Variants in CSF2RB observed in about 807,000 individuals in gnomAD.
CSF2RB encodes cytokine receptor common subunit beta.
Under a neutral mutation model 67.2 loss-of-function variants are expected in CSF2RB, and 22 were observed. That is an observed-to-expected ratio of 0.33 (90% confidence interval 0.23 to 0.47). The LOEUF is 0.47. CSF2RB is among the 20% of genes least tolerant of loss of function. CSF2RB has a pLI of 1.00. For synonymous variants in CSF2RB, 507 were observed against 482.9 expected (o/e 1.05, Z -0.65); for missense variants, 1,113 against 1,174.5 (o/e 0.95, Z 0.76).
chr22:36,930,479 G>A lies in CSF2RB; in HGVS notation c.823G>A (p.Gly275Ser), dbSNP rs1251466585. The A allele has an allele frequency of 6.2e-7, 1 of 1,613,660 alleles. No homozygotes were observed. Among genetic ancestry groups the A allele is most frequent in the Admixed American group, 1.7e-5 (1 of 60,016 alleles). ...RKEVASSVSF[G>S]LFYKPSPDAG... ...GGAGGTGGCCAGCTCGGTCTCCTTT[G>A]GCCTATTCTACAAGCCCAGCCCAGA... is the stretch of plus-strand genomic sequence containing the variant. Residue 275 changes from glycine to serine, a missense_variant, in exon 7 of 14, where the codon GGC becomes AGC. Transcript: ENST00000403662.
At chr22:36,936,202 G>T (rs1306773683) in intron 12 of CSF2RB, among the ~76,000 whole-genome samples, 2 of 152,162 alleles carry the variant, frequency 1.3e-5, no homozygotes, top group Non-Finnish European at 2.9e-5. Flanking sequence ...CAGCGTGTGG[G>T]TGATGGGAGC....
Position 36,922,151 on chromosome 22 carries a change from G to A in CSF2RB, c.-57G>A. 1 of 1,483,382 alleles carries A rather than the reference G, an allele frequency of 6.7e-7. No homozygotes were observed. The highest frequency in any genetic ancestry group is 1.2e-5 in the South Asian group (1 of 82,722). The allele number at this position is 1,483,382 out of a possible 1,614,324, so 91.9% of individuals were successfully genotyped here. ...TTCAGGACACTAAGGACCCTGTCAT[G>A]CCCATGGCCAGCACCCACCAGTGCT... On this transcript the variant is annotated 5_prime_UTR_variant, in exon 2 of 14. An upstream start codon of the reference 5' UTR is lost. Transcript: ENST00000403662.
intron 1 of CSF2RB, among the ~76,000 whole-genome samples, chr22:36,917,106 G>C (rs1940737381): frequency 6.6e-6 from 1 of 152,002 alleles, no homozygotes; most frequent in African/African-American, 2.4e-5. Flanking sequence ...CATTTGCCAG[G>C]GTTTGTTTGT....
intron 1 of CSF2RB, among the ~76,000 whole-genome samples, chr22:36,916,191 A>C (rs182306462): frequency 7.2e-5 from 11 of 152,296 alleles, no homozygotes; most frequent in Admixed American, 6.5e-4. Context: ...GGTGTCTTGT[A>C]AACCTCTTTT....
rs531744714 is a variant in CSF2RB, at chr22:36,938,200, G to A, written c.2392G>A (p.Glu798Lys). The A allele has an allele frequency of 9.9e-6, 16 of 1,614,152 alleles. No individual in the cohort carries two copies. The South Asian group carries it at 1.1e-4, about 11-fold the overall frequency. The part of the protein sequence containing the change: ...EAKSPVLNPG[E>K]RPADVSPTSP... The stretch of plus-strand genomic sequence containing the variant: ...CAAAAGCCCTGTCCTGAACCCAGGG[G>A]AACGCCCGGCAGATGTGTCCCCAAC... Residue 798 changes from glutamate to lysine, a missense_variant, in exon 14 of 14, where the codon GAA becomes AAA. By Grantham distance (56) the Glu-to-Lys change is moderately conservative. Transcript: ENST00000403662.
chr22:36,928,432 G>A (rs931337391), intron 4 of CSF2RB, among the ~76,000 whole-genome samples: 2 of 152,166 alleles, frequency 1.3e-5, no homozygotes, highest in African/African-American at 4.8e-5. Context: ...GTGAGGAGGG[G>A]CGGTTCCCCT....
chr22:36,932,754 C>T lies in CSF2RB; in HGVS notation c.1013-11C>T. On this transcript the variant is annotated splice_polypyrimidine_tract_variant and intron_variant, in intron 8 of 13. Transcript: ENST00000403662. ...GTATGATGACTCTCCTGAAAGCTTCCCTCCCTCCAGTCCAGATGGCCCCTC... is the reference window on the plus strand; with the variant it reads ...GTATGATGACTCTCCTGAAAGCTTCTCTCCCTCCAGTCCAGATGGCCCCTC... The T allele has an allele frequency of 6.2e-7, 1 of 1,612,830 alleles. No individual in the cohort carries two copies. Among genetic ancestry groups the T allele is most frequent in the South Asian group, 1.1e-5 (1 of 90,822 alleles).
chr22:36,916,997 G>A (rs1176721264), intron 1 of CSF2RB, among the ~76,000 whole-genome samples: 1 of 152,206 alleles, frequency 6.6e-6, no homozygotes, highest in African/African-American at 2.4e-5. Flanking sequence ...CCTCCTGTGT[G>A]AGGCTTTGAC....
intron 12 of CSF2RB, 43 bp from the exon 13 acceptor site, chr22:36,936,506 G>C (rs1229747754): frequency 6.3e-7 from 1 of 1,591,786 alleles, no homozygotes; most frequent in Non-Finnish European, 8.6e-7. Flanking sequence ...CCCCACCTCG[G>C]ACCTCCTGAT....
intron 13 of CSF2RB, 80 bp downstream of exon 13, chr22:36,936,732 G>A: frequency 7.8e-7 from 1 of 1,278,418 alleles, no homozygotes; most frequent in South Asian, 1.3e-5. Flanking sequence ...AGGGACTCAA[G>A]TGAGGCTGCC....
chr22:36,924,023 T>C (rs983956373), intron 3 of CSF2RB, among the ~76,000 whole-genome samples: 2 of 152,044 alleles, frequency 1.3e-5, no homozygotes, highest in African/African-American at 4.8e-5. Flanking sequence ...CAGCCATAAA[T>C]TAAGTAATTA....
At position 36,937,982 on chromosome 22, in the gene CSF2RB, C is replaced by T; in HGVS notation, c.2174C>T (p.Ala725Val). 7 of 1,614,156 alleles carry T rather than the reference C, an allele frequency of 4.3e-6. No homozygotes were observed. Among genetic ancestry groups the T allele is most frequent in the Non-Finnish European group, 5.1e-6 (6 of 1,180,010 alleles). ...ADLVFTPNSG[A>V]SSVSLVPSLG... ...CTGGTATTCACCCCAAACTCAGGGG[C>T]CTCGTCTGTCTCCCTAGTTCCCTCT... The change falls in exon 14 of 14, where the codon GCC becomes GTC. Residue 725 changes from alanine (A) to valine (V), a missense_variant. Ala to Val is a moderately conservative substitution (Grantham distance 64). Coordinates refer to ENST00000403662, the MANE Select transcript of CSF2RB (RefSeq NM_000395.3). This position sits in a 1 kb window ranked among gnomAD's most constrained non-coding sequence, Gnocchi z 4.6.
Position 36,923,260 on chromosome 22 carries a change from G to A in CSF2RB, c.93G>A (p.Gln31=). Residue 31 remains glutamine (Q), a synonymous_variant, in exon 3 of 14, where the codon CAG becomes CAA. Transcript: ENST00000403662. ...TCTTGTCAGAAACCATCCCGCTGCA[G>A]ACCCTGCGCTGCTACAACGACTACA... is the stretch of plus-strand genomic sequence containing the variant. ...LAGAEETIPL[Q]TLRCYNDYTS... 1 of 1,614,182 alleles carries A rather than the reference G, an allele frequency of 6.2e-7. No individual in the cohort carries two copies. The highest frequency in any genetic ancestry group is 1.1e-5 in the South Asian group (1 of 91,076).
intron 3 of CSF2RB, among the ~76,000 whole-genome samples, chr22:36,924,694 C>G (rs547061894): frequency 6.6e-6 from 1 of 152,308 alleles, no homozygotes; most frequent in Non-Finnish European, 1.5e-5. Flanking sequence ...GGAGCAGGAT[C>G]TCATGGTTGG....
intron 2 of CSF2RB, among the ~76,000 whole-genome samples, chr22:36,922,888 AGT>A (rs552590832): frequency 3.7e-4 from 56 of 151,630 alleles, no homozygotes; most frequent in African/African-American, 1.3e-3. Context: ...CCCAGGGCTG[AGT>A]GTGTGCCCCC....
intron 5 of CSF2RB, 32 bp from the exon 6 acceptor site, chr22:36,929,607 C>G: frequency 1.9e-6 from 3 of 1,614,212 alleles, no homozygotes; most frequent in Non-Finnish European, 2.5e-6. Flanking sequence ...ATGGGCAGCA[C>G]CCCTCCTCCA....
At chr22:36,922,315 T>C (rs1241538552) in intron 2 of CSF2RB, 32 bp downstream of exon 2, 1 of 1,552,880 alleles carries the variant, frequency 6.4e-7, no homozygotes, top group Non-Finnish European at 8.7e-7. Flanking sequence ...CACTTCCCTG[T>C]CCCTGTCCTC....
chr22:36,930,823 A>G lies in CSF2RB; in HGVS notation c.1005A>G (p.Ser335=), dbSNP rs780151719. The part of the protein sequence containing the change: ...PRRAEKHIKS[S]VNIQMAPPSL... ...GGGCAGAGAAACACATAAAGAGCTC[A>G]GTGAACAGTGAGTTTGCTCCTAGCC... The change falls in exon 8 of 14, where the codon TCA becomes TCG. Residue 335 remains serine, a synonymous_variant. Coordinates refer to ENST00000403662, the MANE Select transcript of CSF2RB (RefSeq NM_000395.3). 6.2e-7 allele frequency: 1 copy of G among 1,614,200 alleles called. No homozygotes were observed. Among genetic ancestry groups the G allele is most frequent in the South Asian group, 1.1e-5 (1 of 91,086 alleles).
rs1326522722 is a variant in CSF2RB at position 36,937,710 on chromosome 22, GGGGCA to G, written c.1905_1909del (p.Gln636AlafsTer66). On this transcript the variant is annotated frameshift_variant, in exon 14 of 14. Coordinates refer to ENST00000403662, the MANE Select transcript of CSF2RB (RefSeq NM_000395.3). LOFTEE classifies it low-confidence loss of function (END_TRUNC). This position sits in a 1 kb window ranked among gnomAD's most constrained non-coding sequence, Gnocchi z 4.6. ...TGGAGTACCTGTGTCTGCCTGCTGGGGGGCAGGTGCAACTGGTCCCTCTGGCCCAG... is the reference window on the plus strand; with the variant it reads ...TGGAGTACCTGTGTCTGCCTGCTGGGGGTGCAACTGGTCCCTCTGGCCCAG... 6.4e-7 allele frequency: 1 copy of G among 1,556,080 alleles called. No homozygotes were observed. The highest frequency in any genetic ancestry group is 1.4e-5 in the African/African-American group (1 of 73,348).
Sources: gnomAD v4.1 joint callset for allele counts (sites outside exome capture counted in the v4.1 genomes callset) on GRCh38, gnomAD v4.1.1 for gene constraint, Gnocchi (gnomAD v3.1) non-coding constraint, MANE v1.5 for transcripts, NCBI Gene and HGNC (gene_info 2026-07-23, HGNC 2026-07-21) for gene names.